The following WDR6 variants were observed in gnomAD, a reference collection of about 807,000 sequenced individuals.
WDR6 encodes the protein WD repeat domain 6, also known as tRNA (34-2'-O)-methyltransferase regulator WDR6.
Under a neutral mutation model 85.6 loss-of-function variants are expected in WDR6, and 58 were observed. That is an observed-to-expected ratio of 0.68 (90% CI 0.55 to 0.84). The LOEUF is 0.84. Among genes scored for constraint, WDR6 ranks in the 40% least tolerant of loss-of-function variants. The probability of loss-of-function intolerance (pLI) is 0.00; values close to 1 mark genes in which losing one functional copy is unlikely to be tolerated. For synonymous variants in WDR6, 569 were observed against 582.2 expected (o/e 0.98, Z 0.33); for missense variants, 1,310 against 1,476.4 (o/e 0.89, Z 1.85).
chr3:49,012,247 T>C lies in WDR6; in HGVS notation c.713T>C (p.Val238Ala). Residue 238 changes from valine to alanine, a missense_variant, in exon 2 of 6, where the codon GTG becomes GCG. Physicochemically the swap from Val to Ala is moderately conservative, Grantham distance 64. Transcript: ENST00000608424. The surrounding 1 kb of genome is among the most constrained non-coding windows in gnomAD (Gnocchi z 4.4). ...GACCGAAGCGTTCGTATCTGGAAGG[T>C]GGGCGACCTGCGAGTGCCTGGGGGT... ...SEDRSVRIWK[V>A]GDLRVPGGRV... 6.2e-7 allele frequency: 1 copy of C among 1,614,252 alleles called. No individual in the cohort carries two copies. The highest frequency in any genetic ancestry group is 1.1e-5 in the South Asian group (1 of 91,090).
rs758968288 is a variant in WDR6, at chr3:49,011,868, C to T, written c.334C>T (p.Leu112=). 6.2e-7 allele frequency: 1 copy of T among 1,614,204 alleles called. No homozygotes were observed. Residue 112 remains leucine (L), a synonymous_variant, in exon 2 of 6, where the codon CTG becomes TTG. Transcript: ENST00000608424. ...GHFWELWRSG[L]WNMSDWIWDA... Reference sequence around the variant, plus strand: ...CTTCTGGGAGCTTTGGCGCTCTGGCCTGTGGAACATGTCTGACTGGATTTG... The same window carrying T: ...CTTCTGGGAGCTTTGGCGCTCTGGCTTGTGGAACATGTCTGACTGGATTTG...
In WDR6 at chr3:49,013,760, T is replaced by A; in HGVS notation, c.2226T>A (p.Ile742=). The A allele has an allele frequency of 6.2e-7, 1 of 1,614,072 alleles. No homozygotes were observed. Among genetic ancestry groups the A allele is most frequent in the Non-Finnish European group, 8.5e-7 (1 of 1,179,982 alleles). The change falls in exon 2 of 6, where the codon ATT becomes ATA. Residue 742 remains isoleucine, a synonymous_variant. Transcript: ENST00000608424. The surrounding 1 kb of genome is among the most constrained non-coding windows in gnomAD (Gnocchi z 4.6). ...GTGAGGGGCCCGACTTGACTGACATTGTGATCACATGTAGTGAGGACACTA... is the reference window on the plus strand; with the variant it reads ...GTGAGGGGCCCGACTTGACTGACATAGTGATCACATGTAGTGAGGACACTA... ...PGSEGPDLTD[I]VITCSEDTTV...
rs376382703 is a variant in WDR6 at position 49,015,608 on chromosome 3, G to A, written c.*320G>A. 6 of 1,614,002 alleles carry A rather than the reference G, an allele frequency of 3.7e-6. No individual in the cohort carries two copies. The highest frequency in any genetic ancestry group is 4.2e-6 in the Non-Finnish European group (5 of 1,180,032). ...TGGCCTTAAATGTGGCTCAGTGGAG[G>A]GAGACCCAGCATAGCCAGGCCAGTA... On this transcript the variant is annotated 3_prime_UTR_variant, in exon 6 of 6. Transcript: ENST00000608424.
rs192583477 is a variant in WDR6 at position 49,013,858 on chromosome 3, C to T, written c.2324C>T (p.Ser775Phe). ...HALTAVCNHI[S>F]SVRAVAVWGI... ...CTCACAGCTGTTTGTAACCATATCTCCTCGGTACGTGCTGTGGCTGTGTGG... is the reference window on the plus strand; with the variant it reads ...CTCACAGCTGTTTGTAACCATATCTTCTCGGTACGTGCTGTGGCTGTGTGG... Residue 775 changes from serine (S) to phenylalanine (F), a missense_variant, in exon 2 of 6, where the codon TCC becomes TTC. Ser to Phe is a radical substitution (Grantham distance 155). Coordinates refer to ENST00000608424, the MANE Select transcript of WDR6 (RefSeq NM_018031.6). The surrounding 1 kb of genome is among the most constrained non-coding windows in gnomAD (Gnocchi z 4.6). 11 of 1,614,116 alleles carry T rather than the reference C, an allele frequency of 6.8e-6. No individual in the cohort carries two copies. The East Asian group carries it at 2.0e-4, about 29-fold the overall frequency.
At position 49,014,978 on chromosome 3, in the gene WDR6, T is replaced by A; in HGVS notation, c.3056T>A (p.Leu1019Gln). Residue 1019 changes from leucine (L) to glutamine (Q), a missense_variant, in exon 6 of 6, where the codon CTA becomes CAA. Leu to Gln is a moderately radical substitution (Grantham distance 113). Transcript: ENST00000608424. The surrounding 1 kb of genome is among the most constrained non-coding windows in gnomAD (Gnocchi z 4.9). The stretch of plus-strand genomic sequence containing the variant: ...GTGCTTGCTGTGGAGATGCTACAGC[T>A]AGAAGAGGCTGTGGGAGAGGCTGGG... ...VFVLAVEMLQ[L>Q]EEAVGEAGLV... is the part of the protein sequence containing the mutation. The A allele has an allele frequency of 1.2e-6, 2 of 1,614,134 alleles. No individual in the cohort carries two copies. Among genetic ancestry groups the A allele is most frequent in the Non-Finnish European group, 1.7e-6 (2 of 1,180,008 alleles).
Position 49,014,899 on chromosome 3 carries a change from G to C in WDR6, c.2977G>C (p.Glu993Gln), listed in dbSNP as rs1318664773. Residue 993 changes from glutamate to glutamine, a missense_variant, in exon 6 of 6, where the codon GAG becomes CAG. Physicochemically the swap from Glu to Gln is conservative, Grantham distance 29. Transcript: ENST00000608424. This position sits in a 1 kb window ranked among gnomAD's most constrained non-coding sequence, Gnocchi z 4.9. ...INSLHTLPTR[E>Q]GHHLVASGSE... Reference sequence around the variant, plus strand: ...CAGCCTGCACACCTTGCCCACCCGTGAGGGCCACCATCTCGTGGCCAGTGG... The same window carrying C: ...CAGCCTGCACACCTTGCCCACCCGTCAGGGCCACCATCTCGTGGCCAGTGG... 6.2e-7 allele frequency: 1 copy of C among 1,614,006 alleles called. No individual in the cohort carries two copies. The highest frequency in any genetic ancestry group is 2.2e-5 in the East Asian group (1 of 44,862).
At position 49,015,642 on chromosome 3, in the gene WDR6, C is replaced by T; in HGVS notation, c.*354C>T. 1 of 1,614,122 alleles carries T rather than the reference C, an allele frequency of 6.2e-7. No individual in the cohort carries two copies. Among genetic ancestry groups the T allele is most frequent in the Non-Finnish European group, 8.5e-7 (1 of 1,180,026 alleles). On this transcript the variant is annotated 3_prime_UTR_variant, in exon 6 of 6. Transcript: ENST00000608424. ...GCATAGCCAGGCCAGTATGGAGCAC[C>T]TCACGCACAGCTCTCAGAAGCTGCA...
Position 49,015,852 on chromosome 3 carries a change from C to T in WDR6, c.*564C>T. 2 of 1,614,194 alleles carry T rather than the reference C, an allele frequency of 1.2e-6. No homozygotes were observed. The highest frequency in any genetic ancestry group is 2.2e-5 in the East Asian group (1 of 44,886). ...AGTAGGAGCTGAAATCCATGCTGAGCTGTACCAGGAACTTGCATATCTAGA... is the reference window on the plus strand; with the variant it reads ...AGTAGGAGCTGAAATCCATGCTGAGTTGTACCAGGAACTTGCATATCTAGA... On this transcript the variant is annotated 3_prime_UTR_variant, in exon 6 of 6. Coordinates refer to ENST00000608424, the MANE Select transcript of WDR6 (RefSeq NM_018031.6).
intron 1 of WDR6, among the ~76,000 whole-genome samples, chr3:49,010,527 C>G (rs2093008705): frequency 6.6e-6 from 1 of 151,964 alleles, no homozygotes; most frequent in South Asian, 2.1e-4. Context: ...ACCAGCGTGG[C>G]CAACATGGTG....
chr3:49,008,078 CCT>C (rs2092994365), intron 1 of WDR6: 1 of 152,496 alleles, frequency 6.6e-6, no homozygotes, highest in Admixed American at 6.5e-5. Flanking sequence ...GGGTGAAGAT[CCT>C]CTGAGGAGGG....
At position 49,011,668 on chromosome 3, in the gene WDR6, A is replaced by T. The variant is rs765052544; in HGVS notation, c.134A>T (p.Asp45Val). 1 of 1,613,900 alleles carries T rather than the reference A, an allele frequency of 6.2e-7. No homozygotes were observed. The highest frequency in any genetic ancestry group is 8.5e-7 in the Non-Finnish European group (1 of 1,179,994). Residue 45 changes from aspartate (D) to valine (V), a missense_variant, in exon 2 of 6, where the codon GAC (aspartate) becomes GTC (valine). Physicochemically the swap from Asp to Val is radical, Grantham distance 152 (BLOSUM62 -3). Transcript: ENST00000608424. ...CCCGATGTCCTGGTGTACAGCTTGG[A>T]CTTTGGTGGGCATCTGCGGATGATA... is the stretch of plus-strand genomic sequence containing the variant. ...EGPDVLVYSLDFGGHLRMIKR... is the reference protein window; with the variant it reads ...EGPDVLVYSLVFGGHLRMIKR...
In WDR6 at chr3:49,013,253, C is replaced by G. The variant is rs1388302477; in HGVS notation, c.1719C>G (p.Thr573=). 1.2e-6 allele frequency: 2 copies of G among 1,613,950 alleles called. No homozygotes were observed. Among genetic ancestry groups the G allele is most frequent in the African/African-American group, 2.7e-5 (2 of 74,910 alleles). Residue 573 remains threonine (T), a synonymous_variant, in exon 2 of 6, where the codon ACC becomes ACG. Coordinates refer to ENST00000608424, the MANE Select transcript of WDR6 (RefSeq NM_018031.6). This position sits in a 1 kb window ranked among gnomAD's most constrained non-coding sequence, Gnocchi z 4.6. ...CTCTGCACGGGAAGCAGGGTGTGACCTCAGTCACATGCCATGGTGGCTATG... is the reference window on the plus strand; with the variant it reads ...CTCTGCACGGGAAGCAGGGTGTGACGTCAGTCACATGCCATGGTGGCTATG... ...LPSLHGKQGV[T]SVTCHGGYVY...
Position 49,015,232 on chromosome 3 carries a change from G to T in WDR6, c.3310G>T (p.Gly1104Cys). The T allele has an allele frequency of 6.2e-7, 1 of 1,613,450 alleles. No homozygotes were observed. The highest frequency in any genetic ancestry group is 1.1e-5 in the South Asian group (1 of 91,090). Residue 1104 changes from glycine (G) to cysteine (C), a missense_variant, in exon 6 of 6, where the codon GGC becomes TGC. Transcript: ENST00000608424. ...CTGCTGGCCTGTGAGCCCTGAGTTT[G>T]GCCACCGTTGTGCCCTTGGGGGTCA... is the stretch of plus-strand genomic sequence containing the variant. ...MDCWPVSPEFGHRCALGGQGL... is the reference protein window; with the variant it reads ...MDCWPVSPEFCHRCALGGQGL...
Position 49,012,523 on chromosome 3 carries a change from G to T in WDR6, c.989G>T (p.Arg330Leu). ...SGIRLWHLVG[R>L]GYRGLGVSAL... ...ATTCGGCTGTGGCACTTGGTAGGGC[G>T]TGGGTACCGGGGATTGGGGGTCTCG... The change falls in exon 2 of 6, where the codon CGT (arginine) becomes CTT (leucine). Residue 330 changes from arginine to leucine, a missense_variant. Physicochemically the swap from Arg to Leu is moderately radical, Grantham distance 102 (BLOSUM62 -2). Transcript: ENST00000608424. The surrounding 1 kb of genome is among the most constrained non-coding windows in gnomAD (Gnocchi z 4.4). 6.2e-7 allele frequency: 1 copy of T among 1,614,102 alleles called. No individual in the cohort carries two copies. Among genetic ancestry groups the T allele is most frequent in the South Asian group, 1.1e-5 (1 of 91,082 alleles).
chr3:49,014,262 G>T lies in WDR6; in HGVS notation c.2635G>T (p.Val879Leu). ...TGACCAGCCCGGCCTTGGCCCCCTT[G>T]TGGCTGCAGCCTGTAGTGATGGGGC... ...ELDQPGLGPL[V>L]AAACSDGAVR... Residue 879 changes from valine to leucine, a missense_variant, in exon 3 of 6, where the codon GTG (valine) becomes TTG (leucine). Physicochemically the swap from Val to Leu is conservative, Grantham distance 32 (BLOSUM62 1). Transcript: ENST00000608424. This position sits in a 1 kb window ranked among gnomAD's most constrained non-coding sequence, Gnocchi z 4.9. The T allele has an allele frequency of 6.2e-7, 1 of 1,614,154 alleles. No homozygotes were observed. Among genetic ancestry groups the T allele is most frequent in the Non-Finnish European group, 8.5e-7 (1 of 1,180,028 alleles).
chr3:49,009,595 C>T (rs555031441), intron 1 of WDR6, among the ~76,000 whole-genome samples: 6 of 152,216 alleles, frequency 3.9e-5, no homozygotes, highest in Middle Eastern at 3.4e-3. Context: ...TGGAGACAGC[C>T]GTACGTGTCT....
At position 49,015,268 on chromosome 3, in the gene WDR6, G is replaced by A; in HGVS notation, c.3346G>A (p.Val1116Ile). 1.2e-6 allele frequency: 2 copies of A among 1,611,246 alleles called. No homozygotes were observed. Among genetic ancestry groups the A allele is most frequent in the Non-Finnish European group, 1.7e-6 (2 of 1,179,970 alleles). Residue 1116 changes from valine to isoleucine, a missense_variant, in exon 6 of 6, where the codon GTT (valine) becomes ATT (isoleucine). Transcript: ENST00000608424. ...TGCCCTTGGGGGTCAGGGGCTTGAG[G>A]TTTACAACTGGTATGACTGAGGTAT... ...RCALGGQGLE[V>I]YNWYD
In WDR6 at chr3:49,012,564, T is replaced by C; in HGVS notation, c.1030T>C (p.Ser344Pro). 6.2e-7 allele frequency: 1 copy of C among 1,613,972 alleles called. No individual in the cohort carries two copies. The highest frequency in any genetic ancestry group is 8.5e-7 in the Non-Finnish European group (1 of 1,179,990). ...GLGVSALCFK[S>P]RSRPGTLKAV... ...GGGGGTCTCGGCTCTCTGCTTCAAG[T>C]CCCGTAGTAGGCCAGGTACACTCAA... The change falls in exon 2 of 6, where the codon TCC (serine) becomes CCC (proline). Residue 344 changes from serine (S) to proline (P), a missense_variant. Ser to Pro is a moderately conservative substitution (Grantham distance 74). Coordinates refer to ENST00000608424, the MANE Select transcript of WDR6 (RefSeq NM_018031.6). The surrounding 1 kb of genome is among the most constrained non-coding windows in gnomAD (Gnocchi z 4.4).
At position 49,014,442 on chromosome 3, in the gene WDR6, A is replaced by G. The variant is rs1157047361; in HGVS notation, c.2726A>G (p.His909Arg). The part of the protein sequence containing the change: ...ILQLLAETFH[H>R]KRCVLKVHSF... ...CAGCTCCTTGCTGAAACCTTCCACC[A>G]TAAGCGATGTGTCCTCAAGGTCCAC... The change falls in exon 4 of 6, where the codon CAT (histidine) becomes CGT (arginine). Residue 909 changes from histidine to arginine, a missense_variant. Transcript: ENST00000608424. This position sits in a 1 kb window ranked among gnomAD's most constrained non-coding sequence, Gnocchi z 4.9. 1.2e-6 allele frequency: 2 copies of G among 1,614,132 alleles called. No individual in the cohort carries two copies. Among genetic ancestry groups the G allele is most frequent in the Non-Finnish European group, 8.5e-7 (1 of 1,180,010 alleles).
Sources: gnomAD v4.1 joint callset for allele counts (sites outside exome capture counted in the v4.1 genomes callset) on GRCh38, gnomAD v4.1.1 for gene constraint, Gnocchi (gnomAD v3.1) non-coding constraint, MANE v1.5 for transcripts, NCBI Gene and HGNC (gene_info 2026-07-23, HGNC 2026-07-21) for gene names.